Variants in CAMTA1 observed in about 807,000 individuals in gnomAD.
CAMTA1 encodes calmodulin-binding transcription activator 1.
CAMTA1 carries 27 observed loss-of-function variants against 170.9 expected under a neutral mutation model. That is an observed-to-expected ratio of 0.16 (90% confidence interval 0.12 to 0.22). The LOEUF (loss-of-function observed/expected upper bound fraction) is 0.22. CAMTA1 is among the 10% of genes least tolerant of loss of function. The pLI is 1.00. For synonymous variants in CAMTA1, 833 were observed against 891.5 expected (o/e 0.93, Z 1.17); for missense variants, 1,619 against 2,217.2 (o/e 0.73, Z 5.42).
At chr1:7,001,203 T>C (rs1229258285) in intron 3 of CAMTA1, among the ~76,000 whole-genome samples, 1 of 152,190 alleles carries the variant, frequency 6.6e-6, no homozygotes, top group Non-Finnish European at 1.5e-5. Flanking sequence ...AGAGCACTTC[T>C]CACCATTTCA....
At chr1:7,259,633 A>G (rs1667891040) in intron 5 of CAMTA1, among the ~76,000 whole-genome samples, 1 of 152,246 alleles carries the variant, frequency 6.6e-6, no homozygotes, top group Admixed American at 6.5e-5. Context: ...AGAAAAGTCC[A>G]AGGGAAAATT....
Position 7,245,645 on chromosome 1 carries a change from C to T in CAMTA1, c.303-3846C>T, listed in dbSNP as rs187711315. Among the ~76,000 whole-genome samples the T allele has an allele frequency of 2.3e-3, 345 of 152,214 alleles. 2 individuals carry two copies. Among genetic ancestry groups the T allele is most frequent in the Middle Eastern group, 3.4e-3 (1 of 294 alleles). On this transcript the variant is annotated intron_variant, in intron 4 of 22. Transcript: ENST00000303635. Reference sequence around the variant, plus strand: ...GATAAAAGGTTTCCTTGGCTAGATACCTCCCTAGTGAGAATAAAGCTCCCT... The same window carrying T: ...GATAAAAGGTTTCCTTGGCTAGATATCTCCCTAGTGAGAATAAAGCTCCCT...
rs948355436 is a variant in CAMTA1 at position 7,355,846 on chromosome 1, A to G, written c.438+106220A>G. 1.3e-5 allele frequency among the ~76,000 whole-genome samples: 2 copies of G among 150,928 alleles called. 1 individual carries two copies. The highest frequency in any genetic ancestry group is 3.9e-4 in the East Asian group (2 of 5,144). ...ACCTTGCTGGTTCTTGGCGTTGCAC[A>G]TCTGTTCCCACCCCAGGGCCTTTGC... On this transcript the variant is annotated intron_variant, in intron 5 of 22. Transcript: ENST00000303635.
At chr1:7,438,978 C>T (rs904864152) in intron 5 of CAMTA1, among the ~76,000 whole-genome samples, 1 of 152,192 alleles carries the variant, frequency 6.6e-6, no homozygotes, top group South Asian at 2.1e-4. Flanking sequence ...GTCACGGAGC[C>T]GCCTCTCATC....
At chr1:7,127,783 T>C (rs571071412) in intron 4 of CAMTA1, among the ~76,000 whole-genome samples, 2 of 152,302 alleles carry the variant, frequency 1.3e-5, no homozygotes, top group African/African-American at 4.8e-5. Flanking sequence ...AAGGGTGACA[T>C]GCAGGAAACC....
chr1:7,696,834 G>A (rs1434140143), intron 11 of CAMTA1, among the ~76,000 whole-genome samples: 1 of 152,142 alleles, frequency 6.6e-6, no homozygotes, highest in Admixed American at 6.5e-5. Flanking sequence ...TGCACGGGAG[G>A]ATCTGTGAGC....
chr1:6,816,556 G>T (rs1475144839), intron 1 of CAMTA1, among the ~76,000 whole-genome samples: 1 of 152,214 alleles, frequency 6.6e-6, no homozygotes, highest in African/African-American at 2.4e-5. Context: ...GGTCTGAGTT[G>T]AAGTGCAGAA....
intron 3 of CAMTA1, among the ~76,000 whole-genome samples, chr1:7,013,137 C>T (rs1416282951): frequency 2.0e-5 from 3 of 151,890 alleles, no homozygotes; most frequent in Admixed American, 1.3e-4. Flanking sequence ...GCACCTCCTC[C>T]GTGCCAGCAC....
chr1:7,476,102 C>A (rs1029087703), intron 6 of CAMTA1, among the ~76,000 whole-genome samples: 1 of 152,248 alleles, frequency 6.6e-6, no homozygotes, highest in African/African-American at 2.4e-5. Flanking sequence ...TCTGATGGGA[C>A]CTTTCTTCCA....
chr1:7,406,074 C>T (rs887934638), intron 5 of CAMTA1, among the ~76,000 whole-genome samples: 6 of 152,232 alleles, frequency 3.9e-5, no homozygotes, highest in Admixed American at 2.0e-4. Flanking sequence ...CCCACAATGG[C>T]AGAGCTGGAG....
intron 3 of CAMTA1, among the ~76,000 whole-genome samples, chr1:6,832,836 T>G (rs1651001055): frequency 6.6e-6 from 1 of 152,188 alleles, no homozygotes; most frequent in African/African-American, 2.4e-5. Flanking sequence ...AAGAGTGACA[T>G]TATGTGATTT....
chr1:7,186,103 T>A (rs776050521), intron 4 of CAMTA1, among the ~76,000 whole-genome samples: 9 of 152,072 alleles, frequency 5.9e-5, no homozygotes, highest in Non-Finnish European at 1.2e-4. Context: ...CTAAAACAGT[T>A]CAGAAAACAA....
rs557537757 is a variant in CAMTA1 at position 7,107,304 on chromosome 1, G to A, written c.302+15933G>A. Among the ~76,000 whole-genome samples, 900 of 149,650 alleles carry A rather than the reference G, an allele frequency of 6.0e-3. 2 individuals carry two copies. The highest frequency in any genetic ancestry group is 0.01 in the Middle Eastern group (3 of 290). On this transcript the variant is annotated intron_variant, in intron 4 of 22. Transcript: ENST00000303635. ...TGTGTGTGTGTGTGTGTGTGTGTGC[G>A]CGCCCACACACACAGCTGTGGGAGG...
intron 11 of CAMTA1, among the ~76,000 whole-genome samples, chr1:7,718,282 TC>T (rs1398415829): frequency 1.3e-5 from 2 of 148,210 alleles, no homozygotes; most frequent in East Asian, 3.9e-4. Flanking sequence ...GTGGAATGAG[TC>T]CGTTCTGGCC....
intron 4 of CAMTA1, among the ~76,000 whole-genome samples, chr1:7,164,786 T>G (rs1467351956): frequency 6.6e-6 from 1 of 152,222 alleles, no homozygotes; most frequent in African/African-American, 2.4e-5. Context: ...AGAAGAGCCC[T>G]GTCTAATTGT....
chr1:6,838,093 G>C (rs1654025070), intron 3 of CAMTA1, among the ~76,000 whole-genome samples: 1 of 152,012 alleles, frequency 6.6e-6, no homozygotes, highest in African/African-American at 2.4e-5. Context: ...GAGTGTCCAG[G>C]GACTGTTCAT....
intron 1 of CAMTA1, among the ~76,000 whole-genome samples, chr1:6,792,546 G>A (rs1366110526): frequency 6.6e-6 from 1 of 151,952 alleles, no homozygotes; most frequent in Non-Finnish European, 1.5e-5. Flanking sequence ...GAGAGGCCAA[G>A]GGTCAGCCAC....
chr1:6,929,911 C>T (rs1459447732), intron 3 of CAMTA1, among the ~76,000 whole-genome samples: 1 of 152,186 alleles, frequency 6.6e-6, no homozygotes, highest in Non-Finnish European at 1.5e-5. Flanking sequence ...TCCATGAGCA[C>T]CTAGGAGGTG....
At chr1:7,488,642 T>C (rs899277338) in intron 6 of CAMTA1, among the ~76,000 whole-genome samples, 2 of 152,122 alleles carry the variant, frequency 1.3e-5, no homozygotes, top group Admixed American at 1.3e-4. Flanking sequence ...CATATACATA[T>C]AAGCACATAT....
Sources: gnomAD v4.1 joint callset for allele counts (sites outside exome capture counted in the v4.1 genomes callset) on GRCh38, gnomAD v4.1.1 for gene constraint, MANE v1.5 for transcripts, NCBI Gene and HGNC (gene_info 2026-07-23, HGNC 2026-07-21) for gene names.